The following DSCAML1 variants were observed in gnomAD, a reference collection of about 807,000 sequenced individuals.
DSCAML1 encodes the protein cell adhesion molecule DSCAML1.
In DSCAML1, 38 loss-of-function variants were observed where a neutral mutation model predicts 200.5. The observed-to-expected ratio is 0.19, with a 90% CI of 0.15 to 0.25. The LOEUF is 0.25. Ranked by LOEUF, DSCAML1 falls within the 10% of genes least tolerant of loss-of-function variation. DSCAML1 has a pLI of 1.00. For synonymous variants in DSCAML1, 1,215 were observed against 1,165.0 expected (o/e 1.04, Z -0.87); for missense variants, 2,223 against 2,858.8 (o/e 0.78, Z 5.07).
intron 1 of DSCAML1, among the ~76,000 whole-genome samples, chr11:117,803,320 G>A (rs929271216): frequency 6.6e-6 from 1 of 152,078 alleles, no homozygotes; most frequent in African/African-American, 2.4e-5. Context: ...CCAAAAGCCA[G>A]CTTATGTAAA....
chr11:117,431,907 C>T (rs909136380), intron 30 of DSCAML1, among the ~76,000 whole-genome samples, 179 bp from the exon 31 acceptor site: 12 of 150,520 alleles, frequency 8.0e-5, no homozygotes, highest in African/African-American at 2.4e-4. Flanking sequence ...GAAGAGCAAT[C>T]GAGTCAAGGT....
intron 11 of DSCAML1, among the ~76,000 whole-genome samples, chr11:117,486,250 G>A (rs546284771): frequency 1.7e-4 from 12 of 72,414 alleles, no homozygotes; most frequent in Middle Eastern, 6.6e-3. Context: ...GGAAAGTGGC[G>A]GATGGGAAAG....
chr11:117,610,434 C>G (rs2051665557), intron 3 of DSCAML1, among the ~76,000 whole-genome samples: 1 of 152,104 alleles, frequency 6.6e-6, no homozygotes, highest in Admixed American at 6.6e-5. Flanking sequence ...GTTGCTAAGT[C>G]AAACAGAGAC....
chr11:117,737,286 G>T (rs540279201), intron 3 of DSCAML1, among the ~76,000 whole-genome samples: 7 of 152,302 alleles, frequency 4.6e-5, no homozygotes, highest in East Asian at 1.9e-4. Flanking sequence ...GCTGTAAAAG[G>T]CTTTTCAGGA....
intron 3 of DSCAML1, among the ~76,000 whole-genome samples, chr11:117,732,503 G>A (rs189162302): frequency 6.6e-6 from 1 of 152,144 alleles, no homozygotes; most frequent in African/African-American, 2.4e-5. Context: ...GAGTTCCAAG[G>A]CCCTATCTGG....
rs75130261 is a variant in DSCAML1, at chr11:117,434,591, A to G, written c.4876+1053T>C. On this transcript the variant is annotated intron_variant, in intron 27 of 32. Transcript: ENST00000651296. ...ATAATCATTATCTGGCCATTCAACA[A>G]TCCATCAATTTATCCATCCATCCAC... 7.9e-3 allele frequency among the ~76,000 whole-genome samples: 1,204 copies of G among 152,082 alleles called. 8 individuals are homozygous for G. Among genetic ancestry groups the G allele is most frequent in the South Asian group, 0.013 (63 of 4,800 alleles).
chr11:117,567,143 G>A (rs1388744373), intron 3 of DSCAML1, among the ~76,000 whole-genome samples: 1 of 152,206 alleles, frequency 6.6e-6, no homozygotes, highest in Non-Finnish European at 1.5e-5. Context: ...AGATCCCTGA[G>A]GAATCGCCAC....
intron 3 of DSCAML1, among the ~76,000 whole-genome samples, chr11:117,613,123 A>C (rs76691324): frequency 0.017 from 2,541 of 151,836 alleles, 71 homozygotes; most frequent in African/African-American, 0.055. Flanking sequence ...CCCCCACCCC[A>C]CCTTCTTAAT....
At chr11:117,684,784 G>T (rs924744834) in intron 3 of DSCAML1, among the ~76,000 whole-genome samples, 3 of 152,258 alleles carry the variant, frequency 2.0e-5, no homozygotes, top group Non-Finnish European at 2.9e-5. Context: ...AGTGGAGTCT[G>T]ACCCCTTTCT....
chr11:117,791,368 G>C (rs543454311), intron 1 of DSCAML1, among the ~76,000 whole-genome samples: 151 of 152,336 alleles, frequency 9.9e-4, no homozygotes, highest in African/African-American at 3.6e-3. Flanking sequence ...AATACATCCA[G>C]CAACAGTTAT....
chr11:117,588,132 G>A (rs960879571), intron 3 of DSCAML1, among the ~76,000 whole-genome samples: 7 of 152,168 alleles, frequency 4.6e-5, no homozygotes, highest in Non-Finnish European at 7.3e-5. Context: ...CTGTCACCCC[G>A]ATTTTACAGT....
chr11:117,723,052 T>C (rs146648795), intron 3 of DSCAML1, among the ~76,000 whole-genome samples: 5 of 152,340 alleles, frequency 3.3e-5, no homozygotes, highest in African/African-American at 1.2e-4. Context: ...AAGATGAGAA[T>C]AACAATGTGA....
In DSCAML1 at chr11:117,614,235, C is replaced by T. The variant is rs183312132; in HGVS notation, c.512-81713G>A. Among the ~76,000 whole-genome samples, 104 of 152,288 alleles carry T rather than the reference C, an allele frequency of 6.8e-4. 1 individual carries two copies. Among genetic ancestry groups the T allele is most frequent in the African/African-American group, 2.4e-3 (98 of 41,538 alleles). On this transcript the variant is annotated intron_variant, in intron 3 of 32. Transcript: ENST00000651296. ...AAGCTCCTTGAGAACATGGGCTTTG[C>T]ATCTGCTCACATCGCTATCCCCAGT... is the stretch of plus-strand genomic sequence containing the variant.
intron 14 of DSCAML1, among the ~76,000 whole-genome samples, chr11:117,472,919 C>A (rs888067583): frequency 1.3e-5 from 2 of 152,112 alleles, no homozygotes; most frequent in Admixed American, 6.5e-5. Flanking sequence ...ACCTTCCACA[C>A]CCGGGATTCT....
chr11:117,779,939 G>T lies in DSCAML1; in HGVS notation c.364+554C>A, dbSNP rs548938206. On this transcript the variant is annotated intron_variant, in intron 2 of 32. Transcript: ENST00000651296. ...AGGCTTCAAGGAAACCTCACTGCGGGTTTTCTATAAGTCAAGGGGGCTGAA... is the reference window on the plus strand; with the variant it reads ...AGGCTTCAAGGAAACCTCACTGCGGTTTTTCTATAAGTCAAGGGGGCTGAA... Among the ~76,000 whole-genome samples the T allele has an allele frequency of 3.3e-5, 5 of 152,068 alleles. No homozygotes were observed. The South Asian group carries it at 8.3e-4, about 25-fold the overall frequency.
chr11:117,754,766 C>T lies in DSCAML1; in HGVS notation c.511+22025G>A, dbSNP rs184968998. Among the ~76,000 whole-genome samples, 46 of 152,250 alleles carry T rather than the reference C, an allele frequency of 3.0e-4. No homozygotes were observed. The East Asian group carries it at 8.1e-3, about 27-fold the overall frequency. On this transcript the variant is annotated intron_variant, in intron 3 of 32. Coordinates refer to ENST00000651296, the MANE Select transcript of DSCAML1 (RefSeq NM_020693.4). The stretch of plus-strand genomic sequence containing the variant: ...GAAGTTGCTGGGACCTTCTTCAGTG[C>T]CGTGCTGCCTCTTTGGCCATAGAAA...
intron 3 of DSCAML1, among the ~76,000 whole-genome samples, chr11:117,545,016 T>C (rs1355392253): frequency 6.6e-6 from 1 of 151,562 alleles, no homozygotes; most frequent in East Asian, 1.9e-4. Context: ...TGGATCACGA[T>C]GTCGGGAGTT....
chr11:117,536,305 G>T (rs1261027503), intron 3 of DSCAML1, among the ~76,000 whole-genome samples: 1 of 152,228 alleles, frequency 6.6e-6, no homozygotes. Context: ...GCTGTTTGGG[G>T]ATGGAGACGG....
intron 1 of DSCAML1, among the ~76,000 whole-genome samples, chr11:117,793,746 C>T (rs2055519433): frequency 6.6e-6 from 1 of 152,190 alleles, no homozygotes. Flanking sequence ...GGGATCTGTT[C>T]AACTTAAGCG....
Sources: gnomAD v4.1 joint callset for allele counts (sites outside exome capture counted in the v4.1 genomes callset) on GRCh38, gnomAD v4.1.1 for gene constraint, MANE v1.5 for transcripts, NCBI Gene and HGNC (gene_info 2026-07-23, HGNC 2026-07-21) for gene names.